The following PXDNL variants were observed in gnomAD, a reference collection of about 807,000 sequenced individuals.
PXDNL encodes the protein peroxidasin like, also known as probable oxidoreductase PXDNL.
Under a neutral mutation model 150.8 loss-of-function variants are expected in PXDNL, and 145 were observed. That is an observed-to-expected ratio of 0.96 (90% CI 0.84 to 1.10). PXDNL has a LOEUF of 1.10. Ranked by LOEUF, PXDNL falls within the 50% of genes least tolerant of loss-of-function variation. The pLI, the probability that PXDNL is intolerant of heterozygous loss-of-function variation, is 0.00. For missense variants in PXDNL, 2,087 were observed against 1,873.9 expected (o/e 1.11, Z -2.10); for synonymous variants, 757 against 725.7 (o/e 1.04, Z -0.69).
chr8:51,555,126 T>C (rs759960608), intron 4 of PXDNL, among the ~76,000 whole-genome samples: 8 of 152,192 alleles, frequency 5.3e-5, no homozygotes, highest in Non-Finnish European at 8.8e-5. Flanking sequence ...CTCACAATTC[T>C]AGAGGATGGG....
At chr8:51,504,820 A>G (rs1380052469) in intron 4 of PXDNL, among the ~76,000 whole-genome samples, 2 of 152,246 alleles carry the variant, frequency 1.3e-5, no homozygotes, top group South Asian at 4.1e-4. Flanking sequence ...ACGTGAGGAT[A>G]AGACATTGAA....
rs1563496498 is a variant in PXDNL, at chr8:51,652,462, A to AAAC, written c.236+2226_236+2227insGTT. On this transcript the variant is annotated intron_variant, in intron 2 of 22. Coordinates refer to ENST00000356297, the MANE Select transcript of PXDNL (RefSeq NM_144651.5). ...TCTCACACACACACACACACACACA[A>AAAC]ACACACACACACACACACACCAACC... 1.5e-3 allele frequency among the ~76,000 whole-genome samples: 202 copies of AAAC among 131,094 alleles called. 1 individual carries two copies. The highest frequency in any genetic ancestry group is 6.5e-3 in the African/African-American group (188 of 29,076). 86.0% of individuals were successfully genotyped at this position (131,094 alleles called of 152,430 possible).
chr8:51,415,059 C>CG (rs113078378), intron 14 of PXDNL, among the ~76,000 whole-genome samples: 1,553 of 152,082 alleles, frequency 0.01, 10 homozygotes, highest in African/African-American at 0.024. Context: ...CCTTCTTTGG[C>CG]GGGGGGGAGA....
At chr8:51,424,466 C>T (rs545549508) in intron 13 of PXDNL, among the ~76,000 whole-genome samples, 1 of 152,018 alleles carries the variant, frequency 6.6e-6, no homozygotes, top group Admixed American at 6.5e-5. Context: ...TCTAATTTCC[C>T]TTCTATTTCT....
chr8:51,373,746 A>G (rs1807208789), intron 18 of PXDNL, among the ~76,000 whole-genome samples: 1 of 152,164 alleles, frequency 6.6e-6, no homozygotes, highest in Non-Finnish European at 1.5e-5. Context: ...CTGAAATAAT[A>G]CAAAAGGTTA....
At chr8:51,754,255 G>GA (rs572993060) in intron 1 of PXDNL, among the ~76,000 whole-genome samples, 24 of 151,146 alleles carry the variant, frequency 1.6e-4, no homozygotes, top group Admixed American at 4.0e-4. Flanking sequence ...GATTGTCAGT[G>GA]AAAAAAAAAT....
intron 21 of PXDNL, among the ~76,000 whole-genome samples, chr8:51,338,856 T>C (rs983499883): frequency 1.1e-4 from 16 of 152,336 alleles, no homozygotes; most frequent in Non-Finnish European, 1.9e-4. Flanking sequence ...TCCACAACTT[T>C]GTCAGAAAAA....
Position 51,578,015 on chromosome 8 carries a change from A to AAAG in PXDNL, c.308+14611_308+14612insCTT, listed in dbSNP as rs1813119659. Reference sequence around the variant, plus strand: ...AGAAAGAAAGAGGAAGGAAGGAAGGAAGGAAGGAAGGAAGGAAGGAAGGAA... The same window carrying AAAG: ...AGAAAGAAAGAGGAAGGAAGGAAGGAAAGAGGAAGGAAGGAAGGAAGGAAGGAA... On this transcript the variant is annotated intron_variant, in intron 3 of 22. Coordinates refer to ENST00000356297, the MANE Select transcript of PXDNL (RefSeq NM_144651.5). Among the ~76,000 whole-genome samples, 6 of 113,184 alleles carry AAAG rather than the reference A, an allele frequency of 5.3e-5. 1 individual carries two copies. The highest frequency in any genetic ancestry group is 2.8e-4 in the South Asian group (1 of 3,608). 74.3% of individuals were successfully genotyped at this position (113,184 alleles called of 152,430 possible). A position where few individuals can be genotyped will look rare whatever the true frequency, so the allele number is the denominator to read the frequency against.
In PXDNL at chr8:51,534,241, C is replaced by T. The variant is rs201369444; in HGVS notation, c.380+22599G>A. On this transcript the variant is annotated intron_variant, in intron 4 of 22. Coordinates refer to ENST00000356297, the MANE Select transcript of PXDNL (RefSeq NM_144651.5). ...CCGTCTGAGAAGTAAGGAAACCCTC[C>T]GCCTGGCAACCGCCCCGTCTGAGAA... is the stretch of plus-strand genomic sequence containing the variant. 7.8e-3 allele frequency among the ~76,000 whole-genome samples: 976 copies of T among 125,280 alleles called. 3 individuals are homozygous for T. Among genetic ancestry groups the T allele is most frequent in the African/African-American group, 0.025 (600 of 23,596 alleles). The allele number at this position is 125,280 out of a possible 152,430, so 82.2% of individuals were successfully genotyped here.
intron 19 of PXDNL, among the ~76,000 whole-genome samples, chr8:51,355,994 C>T (rs2915472): frequency 0.73 from 111,048 of 151,686 alleles, 41,181 homozygotes; most frequent in East Asian, 0.94. Context: ...AAACTAACGA[C>T]GAGGTCACAT....
chr8:51,639,149 C>G (rs1377858163), intron 2 of PXDNL, among the ~76,000 whole-genome samples: 1 of 152,100 alleles, frequency 6.6e-6, no homozygotes, highest in Non-Finnish European at 1.5e-5. Context: ...TTCTTTGAAA[C>G]CAAGGAGAAC....
intron 1 of PXDNL, among the ~76,000 whole-genome samples, chr8:51,724,490 G>GA (rs915272631): frequency 6.6e-5 from 10 of 150,600 alleles, no homozygotes; most frequent in East Asian, 2.0e-4. Context: ...TGACATCGCA[G>GA]AAAAAAAAAG....
At chr8:51,577,609 T>TATATATATAA (rs562857918) in intron 3 of PXDNL, among the ~76,000 whole-genome samples, 16 of 147,704 alleles carry the variant, frequency 1.1e-4, no homozygotes, top group Non-Finnish European at 9.0e-5. Context: ...TATATATATA[T>TATATATATAA]AATCAGGCTA....
chr8:51,362,579 AC>A lies in PXDNL; in HGVS notation c.3901+9293del, dbSNP rs1483578958. Among the ~76,000 whole-genome samples the A allele has an allele frequency of 8.7e-5, 13 of 149,884 alleles. No individual in the cohort carries two copies. In the South Asian group the frequency reaches 1.1e-3, roughly 12 times the overall value. On this transcript the variant is annotated intron_variant, in intron 19 of 22. Transcript: ENST00000356297. ...TCTTAACTGAACTTTTACTTCCACT[AC>A]TTTTTTTTTGGTTTGAGCTGATGAT...
chr8:51,752,163 C>A lies in PXDNL; in HGVS notation c.164+57018G>T, dbSNP rs551443137. On this transcript the variant is annotated intron_variant, in intron 1 of 22. Coordinates refer to ENST00000356297, the MANE Select transcript of PXDNL (RefSeq NM_144651.5). ...CTAAGCTCTGAGTCCTGAAGACCTTCCTCTGGAGCCTCAGTAAATTTACTT... is the reference window on the plus strand; with the variant it reads ...CTAAGCTCTGAGTCCTGAAGACCTTACTCTGGAGCCTCAGTAAATTTACTT... 1.2e-3 allele frequency among the ~76,000 whole-genome samples: 186 copies of A among 152,308 alleles called. 1 individual carries two copies. Among genetic ancestry groups the A allele is most frequent in the African/African-American group, 4.3e-3 (178 of 41,566 alleles).
At chr8:51,428,623 C>T (rs1030127424) in intron 12 of PXDNL, among the ~76,000 whole-genome samples, 3 of 152,170 alleles carry the variant, frequency 2.0e-5, no homozygotes, top group African/African-American at 7.2e-5. Flanking sequence ...GGAAGCCTTT[C>T]AACCAACGGT....
chr8:51,408,594 C>T lies in PXDNL; in HGVS notation c.3030G>A (p.Gln1010=). Reference sequence around the variant, plus strand: ...GCAGCCAGTGGCTGTAGGTGATGTGCTGCAGCTCCGCGCCCACGATCTTCC... The same window carrying T: ...GCAGCCAGTGGCTGTAGGTGATGTGTTGCAGCTCCGCGCCCACGATCTTCC... ...EARKIVGAEL[Q]HITYSHWLPK... is the part of the protein sequence containing the mutation. The change falls in exon 17 of 23, where the codon CAG becomes CAA. Residue 1010 remains glutamine, a synonymous_variant. Transcript: ENST00000356297. 6.2e-7 allele frequency: 1 copy of T among 1,612,166 alleles called. No individual in the cohort carries two copies. Among genetic ancestry groups the T allele is most frequent in the Non-Finnish European group, 8.5e-7 (1 of 1,179,210 alleles).
chr8:51,329,307 A>C (rs1805610912), intron 21 of PXDNL, among the ~76,000 whole-genome samples: 1 of 152,224 alleles, frequency 6.6e-6, no homozygotes, highest in Admixed American at 6.5e-5. Context: ...AAGAAAGGCC[A>C]AAGTCAGTAG....
chr8:51,391,754 T>G (rs1807917655), intron 17 of PXDNL, among the ~76,000 whole-genome samples: 1 of 152,136 alleles, frequency 6.6e-6, no homozygotes, highest in Admixed American at 6.5e-5. Context: ...TAGATCCCAT[T>G]TGTCAATTTT....
Sources: gnomAD v4.1 joint callset for allele counts (sites outside exome capture counted in the v4.1 genomes callset) on GRCh38, gnomAD v4.1.1 for gene constraint, MANE v1.5 for transcripts, NCBI Gene and HGNC (gene_info 2026-07-23, HGNC 2026-07-21) for gene names.